NYAP2: variants seen among roughly 807,000 people sequenced by gnomAD.
NYAP2 encodes neuronal tyrosine-phosphorylated phosphoinositide-3-kinase adapter 2.
Under a neutral mutation model 50.4 loss-of-function variants are expected in NYAP2, and 23 were observed. The ratio of observed to expected loss-of-function variants is 0.46; its 90% CI spans 0.33 to 0.65. The LOEUF (loss-of-function observed/expected upper bound fraction) is 0.65, where lower values mean the gene tolerates loss of function less well. NYAP2 is among the 30% of genes least tolerant of loss of function. The pLI is 0.02. For missense variants in NYAP2, 885 were observed against 861.0 expected (o/e 1.03, Z -0.35); for synonymous variants, 394 against 365.2 (o/e 1.08, Z -0.90).
chr2:225,420,690 A>G (rs1695200448), intron 3 of NYAP2, among the ~76,000 whole-genome samples: 1 of 151,280 alleles, frequency 6.6e-6, no homozygotes, highest in South Asian at 2.1e-4. Flanking sequence ...ATCTCACTGC[A>G]ACCTCTACCT....
At chr2:225,679,541 C>T in the NYAP2 span, among the ~76,000 whole-genome samples, 8 of 125,514 alleles carry the variant, frequency 6.4e-5, no homozygotes, top group Admixed American at 8.3e-4. Flanking sequence ...GTTTCCCAGG[C>T]TGCAGTATAG....
chr2:225,652,154 G>A (rs1278689650), exon 7 of NYAP2: 1 of 152,134 alleles, frequency 6.6e-6, no homozygotes, highest in Non-Finnish European at 1.5e-5. Flanking sequence ...GAGTATGGCA[G>A]CTAGTCTTTC....
chr2:225,682,171 T>C, the NYAP2 span, among the ~76,000 whole-genome samples: 3 of 152,152 alleles, frequency 2.0e-5, no homozygotes, highest in Admixed American at 2.0e-4. Context: ...AAGTTCATCA[T>C]ATACTGGTCT....
chr2:225,461,947 C>T lies in NYAP2; in HGVS notation c.222-51424C>T, dbSNP rs139594530. Among the ~76,000 whole-genome samples the T allele has an allele frequency of 3.7e-3, 564 of 152,064 alleles. 7 individuals are homozygous for T. The highest frequency in any genetic ancestry group is 5.3e-3 in the Non-Finnish European group (360 of 67,966). On this transcript the variant is annotated intron_variant, in intron 3 of 6. Coordinates refer to ENST00000636099, the Ensembl canonical transcript of NYAP2. ...AACAGGTATCTTCTGTCACAGATTGCGGTATAATTGAATGTGGGTGTCTCA... is the reference window on the plus strand; with the variant it reads ...AACAGGTATCTTCTGTCACAGATTGTGGTATAATTGAATGTGGGTGTCTCA...
chr2:225,696,557 C>G, the NYAP2 span, among the ~76,000 whole-genome samples: 1 of 151,894 alleles, frequency 6.6e-6, no homozygotes, highest in Non-Finnish European at 1.5e-5. Context: ...AGGTCTAGGA[C>G]CTGCCCTTTC....
intron 4 of NYAP2, among the ~76,000 whole-genome samples, chr2:225,521,970 C>T (rs946003860): frequency 4.6e-5 from 7 of 152,046 alleles, no homozygotes; most frequent in Non-Finnish European, 1.0e-4. Context: ...TTGGTCTATT[C>T]AGAGATTCAA....
intron 4 of NYAP2, among the ~76,000 whole-genome samples, chr2:225,536,016 A>G (rs1691343681): frequency 6.6e-6 from 1 of 152,226 alleles, no homozygotes; most frequent in South Asian, 2.1e-4. Context: ...AATTCAAAAG[A>G]TTCCAAACTG....
At chr2:225,549,393 G>A (rs1691635536) in intron 4 of NYAP2, among the ~76,000 whole-genome samples, 1 of 152,108 alleles carries the variant, frequency 6.6e-6, no homozygotes, top group Non-Finnish European at 1.5e-5. Context: ...GTGTTAGTAA[G>A]TGCTCAGTTA....
chr2:225,500,939 T>C (rs988658003), intron 3 of NYAP2, among the ~76,000 whole-genome samples: 3 of 152,190 alleles, frequency 2.0e-5, no homozygotes, highest in African/African-American at 7.2e-5. Context: ...TTGGTAGTTT[T>C]GCACCCTAAA....
At chr2:225,639,436 G>A (rs981210474) in intron 6 of NYAP2, among the ~76,000 whole-genome samples, 2 of 152,052 alleles carry the variant, frequency 1.3e-5, no homozygotes, top group Non-Finnish European at 2.9e-5. Flanking sequence ...ACAAAAACCT[G>A]TGCATCAGTG....
intron 3 of NYAP2, among the ~76,000 whole-genome samples, chr2:225,428,510 T>C (rs1204686424): frequency 6.6e-6 from 1 of 152,216 alleles, no homozygotes. Flanking sequence ...TAGCATGAAA[T>C]TGCCCTCAAG....
intron 3 of NYAP2, among the ~76,000 whole-genome samples, chr2:225,436,720 T>C (rs193295628): frequency 4.1e-5 from 6 of 146,236 alleles, no homozygotes; most frequent in Admixed American, 2.1e-4. Context: ...CTAACTCTGA[T>C]AGTTTTCTTC....
chr2:225,585,898 T>C (rs1216992247), intron 5 of NYAP2, among the ~76,000 whole-genome samples: 1 of 152,222 alleles, frequency 6.6e-6, no homozygotes, highest in African/African-American at 2.4e-5. Flanking sequence ...TTCTCCCCTT[T>C]ACTCTTCCCA....
intron 3 of NYAP2, among the ~76,000 whole-genome samples, chr2:225,475,944 A>C (rs1690097163): frequency 6.6e-6 from 1 of 152,250 alleles, no homozygotes; most frequent in East Asian, 1.9e-4. Context: ...GAGCTTCCAG[A>C]ACTGCAGAGA....
chr2:225,484,296 G>A (rs1009870546), intron 3 of NYAP2, among the ~76,000 whole-genome samples: 1 of 152,164 alleles, frequency 6.6e-6, no homozygotes, highest in South Asian at 2.1e-4. Context: ...TTTTTTCAGT[G>A]TACACGTCCC....
chr2:225,621,623 T>A (rs1339588095), intron 5 of NYAP2, among the ~76,000 whole-genome samples: 1 of 152,188 alleles, frequency 6.6e-6, no homozygotes, highest in East Asian at 1.9e-4. Flanking sequence ...GGAAATTTTA[T>A]GTTATATGTA....
intron 6 of NYAP2, among the ~76,000 whole-genome samples, chr2:225,649,005 T>C (rs569679343): frequency 4.0e-5 from 6 of 151,892 alleles, no homozygotes; most frequent in Non-Finnish European, 7.4e-5. Context: ...GGAAAGAGAG[T>C]CATTTTCCAG....
At chr2:225,659,265 T>C in the NYAP2 span, among the ~76,000 whole-genome samples, 1 of 152,184 alleles carries the variant, frequency 6.6e-6, no homozygotes, top group Admixed American at 6.5e-5. Context: ...AGGTGTGAAG[T>C]AGCAGAAGTA....
At chr2:225,601,471 T>G (rs886399950) in intron 5 of NYAP2, among the ~76,000 whole-genome samples, 5 of 152,148 alleles carry the variant, frequency 3.3e-5, no homozygotes, top group Admixed American at 1.3e-4. Context: ...CTACGTACTG[T>G]TTTCCATAGC....
Sources: allele counts gnomAD v4.1 joint callset (sites outside exome capture counted in the v4.1 genomes callset), GRCh38; gene constraint gnomAD v4.1.1; transcripts MANE v1.5; gene names NCBI Gene and HGNC (gene_info 2026-07-23, HGNC 2026-07-21).